Variants in MTHFD1L observed in about 807,000 individuals in gnomAD.
MTHFD1L encodes the protein monofunctional C1-tetrahydrofolate synthase, mitochondrial.
Under a neutral mutation model 119.5 loss-of-function variants are expected in MTHFD1L, and 81 were observed. That is an observed-to-expected ratio of 0.68 (90% CI 0.57 to 0.82). The LOEUF (loss-of-function observed/expected upper bound fraction) is 0.82. MTHFD1L is among the 40% of genes least tolerant of loss of function. The pLI, the probability that MTHFD1L is intolerant of heterozygous loss-of-function variation, is 0.00. For synonymous variants in MTHFD1L, 430 were observed against 475.2 expected (o/e 0.90, Z 1.24); for missense variants, 1,125 against 1,253.4 (o/e 0.90, Z 1.55).
intron 16 of MTHFD1L, among the ~76,000 whole-genome samples, chr6:150,954,375 C>CTTGTT (rs1200101058): frequency 1.3e-5 from 2 of 152,134 alleles, no homozygotes; most frequent in Non-Finnish European, 2.9e-5. Flanking sequence ...AACTGCAATT[C>CTTGTT]TTGTTTTGTT....
chr6:150,983,755 A>G (rs73615298), intron 20 of MTHFD1L, among the ~76,000 whole-genome samples: 1,759 of 152,264 alleles, frequency 0.012, 32 homozygotes, highest in African/African-American at 0.04. Flanking sequence ...AAACAAAAGA[A>G]AGGGTTTAAT....
chr6:151,042,805 A>T (rs1787330680), intron 26 of MTHFD1L, among the ~76,000 whole-genome samples: 2 of 152,246 alleles, frequency 1.3e-5, no homozygotes. Flanking sequence ...TATTATGAGT[A>T]GCTTTTTTTC....
At chr6:150,903,136 GT>G (rs1300159952) in intron 7 of MTHFD1L, among the ~76,000 whole-genome samples, 1 of 141,054 alleles carries the variant, frequency 7.1e-6, no homozygotes, top group East Asian at 2.2e-4. Flanking sequence ...AACTCTAGCT[GT>G]TTTTCAGATC....
At chr6:150,892,545 A>T (rs1009715103) in intron 7 of MTHFD1L, among the ~76,000 whole-genome samples, 1 of 152,162 alleles carries the variant, frequency 6.6e-6, no homozygotes. Context: ...GTTAGAGGCT[A>T]TCAACTTTCA....
intron 26 of MTHFD1L, among the ~76,000 whole-genome samples, chr6:151,062,402 C>T (rs1413878705): frequency 6.6e-6 from 1 of 152,102 alleles, no homozygotes; most frequent in Non-Finnish European, 1.5e-5. Context: ...CGCGCCACTG[C>T]ACTCCAGCCT....
chr6:150,949,843 C>T (rs1385438666), intron 16 of MTHFD1L, among the ~76,000 whole-genome samples: 1 of 152,244 alleles, frequency 6.6e-6, no homozygotes, highest in Non-Finnish European at 1.5e-5. Flanking sequence ...TGCATGATCT[C>T]GAGCAGGTCG....
chr6:151,046,634 G>A (rs576982631), intron 26 of MTHFD1L, among the ~76,000 whole-genome samples: 1 of 151,476 alleles, frequency 6.6e-6, no homozygotes, highest in African/African-American at 2.4e-5. Context: ...CTTCCAAAAG[G>A]CACCCATAAA....
chr6:151,021,014 C>T (rs1009826657), intron 24 of MTHFD1L, among the ~76,000 whole-genome samples: 31 of 152,254 alleles, frequency 2.0e-4, no homozygotes, highest in South Asian at 2.1e-4. Flanking sequence ...AAGAAATGGA[C>T]GCTTGATAGG....
Position 150,971,947 on chromosome 6 carries a change from G to A in MTHFD1L, c.2014G>A (p.Gly672Arg). 1 of 1,613,550 alleles carries A rather than the reference G, an allele frequency of 6.2e-7. No homozygotes were observed. The highest frequency in any genetic ancestry group is 1.3e-5 in the African/African-American group (1 of 75,002). The change falls in exon 20 of 28, where the codon GGG (glycine) becomes AGG (arginine). Residue 672 changes from glycine (G) to arginine (R), a missense_variant and splice_region_variant. Gly to Arg is a moderately radical substitution (Grantham distance 125). This residue lies in a region of MTHFD1L where 1,058 missense variants were observed against 1,151.2 expected (regional missense o/e 0.92). Coordinates refer to ENST00000367321, the MANE Select transcript of MTHFD1L (RefSeq NM_015440.5). ...TTGATTTGCTTTTTCACTTCTCTAG[G>A]GGACACCTGTGTTCGTGCATGCGGG... The part of the protein sequence containing the change: ...IKPNLMQTLE[G>R]TPVFVHAGPF...
chr6:150,879,643 T>TTTTTTTG (rs1781065666), intron 4 of MTHFD1L, among the ~76,000 whole-genome samples: 1 of 149,294 alleles, frequency 6.7e-6, no homozygotes. Context: ...TTTTTTTTTT[T>TTTTTTTG]TTCTGAGACG....
intron 1 of MTHFD1L, among the ~76,000 whole-genome samples, chr6:150,869,668 T>C (rs1779066243): frequency 1.3e-5 from 2 of 151,554 alleles, no homozygotes; most frequent in Non-Finnish European, 1.5e-5. Flanking sequence ...TATTGTACCT[T>C]TCAATTGAGT....
intron 20 of MTHFD1L, among the ~76,000 whole-genome samples, chr6:150,979,365 CT>C (rs1777100706): frequency 6.6e-6 from 1 of 152,138 alleles, no homozygotes; most frequent in Non-Finnish European, 1.5e-5. Flanking sequence ...CTTTTTGGTC[CT>C]TTTTTTCTTT....
intron 26 of MTHFD1L, among the ~76,000 whole-genome samples, chr6:151,051,339 A>G (rs1788993496): frequency 6.6e-6 from 1 of 152,130 alleles, no homozygotes; most frequent in East Asian, 1.9e-4. Context: ...ATGCACTGCC[A>G]TTCTCATTTC....
intron 1 of MTHFD1L, 91 bp from the exon 2 acceptor site, chr6:150,875,999 G>T: frequency 9.9e-7 from 1 of 1,008,456 alleles, no homozygotes; most frequent in Non-Finnish European, 1.5e-6. Context: ...ATTTTCACTT[G>T]GAGGAAGGAA....
chr6:150,922,696 T>C lies in MTHFD1L; in HGVS notation c.1082+394T>C, dbSNP rs187462685. On this transcript the variant is annotated intron_variant, in intron 10 of 27. Coordinates refer to ENST00000367321, the MANE Select transcript of MTHFD1L (RefSeq NM_015440.5). ...TCTTGCTCTGTTGCCCAGGCTAGAGTGCAATGGTGCGATCTCGGCTCACTG... is the reference window on the plus strand; with the variant it reads ...TCTTGCTCTGTTGCCCAGGCTAGAGCGCAATGGTGCGATCTCGGCTCACTG... 2.0e-3 allele frequency among the ~76,000 whole-genome samples: 277 copies of C among 140,022 alleles called. 2 individuals are homozygous for C. The highest frequency in any genetic ancestry group is 6.9e-3 in the African/African-American group (257 of 37,506). 91.9% of individuals were successfully genotyped at this position (140,022 alleles called of 152,430 possible).
At chr6:151,008,992 G>A (rs1021134240) in intron 20 of MTHFD1L, among the ~76,000 whole-genome samples, 1 of 151,654 alleles carries the variant, frequency 6.6e-6, no homozygotes, top group Admixed American at 6.6e-5. Flanking sequence ...TGTGGTGGTG[G>A]GTTCCTGTAA....
intron 20 of MTHFD1L, among the ~76,000 whole-genome samples, chr6:151,008,495 C>T (rs114781144): frequency 0.018 from 2,671 of 145,504 alleles, 90 homozygotes; most frequent in African/African-American, 0.062. Context: ...TTGTGGGGAG[C>T]CCAAGATTCC....
intron 26 of MTHFD1L, among the ~76,000 whole-genome samples, chr6:151,079,192 C>T (rs1792871712): frequency 6.6e-6 from 1 of 152,026 alleles, no homozygotes; most frequent in Non-Finnish European, 1.5e-5. Context: ...CTGATAAATC[C>T]TGATCTAACC....
At chr6:150,985,446 C>T (rs933591462) in intron 20 of MTHFD1L, among the ~76,000 whole-genome samples, 9 of 151,796 alleles carry the variant, frequency 5.9e-5, no homozygotes, top group East Asian at 1.9e-4. Flanking sequence ...GAGGCCGAGG[C>T]GGGTGGATCA....
Sources: allele counts gnomAD v4.1 joint callset (sites outside exome capture counted in the v4.1 genomes callset), GRCh38; gene constraint gnomAD v4.1.1; regional missense constraint gnomAD v4.1.1; transcripts MANE v1.5; gene names NCBI Gene and HGNC (gene_info 2026-07-23, HGNC 2026-07-21).